ALS2: variants seen among roughly 807,000 people sequenced by gnomAD.
The protein encoded by ALS2 is alsin.
A neutral mutation model predicts 203.4 loss-of-function variants in ALS2; 117 were observed. That is an observed-to-expected ratio of 0.58 (90% CI 0.50 to 0.67). The LOEUF (loss-of-function observed/expected upper bound fraction) is 0.67, where lower values mean the gene tolerates loss of function less well. Among genes scored for constraint, ALS2 ranks in the 30% least tolerant of loss-of-function variants. The pLI, the probability that ALS2 is intolerant of heterozygous loss-of-function variation, is 0.00. For synonymous variants in ALS2, 718 were observed against 725.9 expected (o/e 0.99, Z 0.17); for missense variants, 1,715 against 1,989.4 (o/e 0.86, Z 2.62).
At chr2:201,739,626 C>T (rs1375107527) in intron 11 of ALS2, among the ~76,000 whole-genome samples, 1 of 151,772 alleles carries the variant, frequency 6.6e-6, no homozygotes, top group Non-Finnish European at 1.5e-5. Flanking sequence ...GCCTGTAATC[C>T]CAGCTACTTG....
chr2:201,753,906 T>C (rs1693221620), intron 6 of ALS2, among the ~76,000 whole-genome samples: 2 of 152,176 alleles, frequency 1.3e-5, no homozygotes. Context: ...TGAAATATAA[T>C]CTTATCCCAA....
intron 5 of ALS2, 57 bp from the exon 6 acceptor site, chr2:201,754,728 T>C (rs1209477851): frequency 1.3e-6 from 2 of 1,582,348 alleles, no homozygotes; most frequent in Middle Eastern, 1.7e-4. Flanking sequence ...TAAGAAAACA[T>C]ATCATTTGGA....
Position 201,757,540 on chromosome 2 carries a change from C to A in ALS2, c.1333G>T (p.Gly445Cys). Residue 445 changes from glycine (G) to cysteine (C), a missense_variant, in exon 5 of 34, where the codon GGT (glycine) becomes TGT (cysteine). Coordinates refer to ENST00000264276, the MANE Select transcript of ALS2 (RefSeq NM_020919.4). ...TGTTCTTCCCTGCTATCTTTCAAAC[C>A]TTCGGGGCCAATGGCACTACTGCCT... The part of the protein sequence containing the change: ...QAGSSAIGPE[G>C]LKDSREEQVK... The A allele has an allele frequency of 2.5e-6, 4 of 1,614,122 alleles. No homozygotes were observed. Among genetic ancestry groups the A allele is most frequent in the Non-Finnish European group, 3.4e-6 (4 of 1,180,004 alleles).
intron 27 of ALS2, among the ~76,000 whole-genome samples, 190 bp downstream of exon 27, chr2:201,709,691 A>C (rs1689920445): frequency 6.6e-6 from 1 of 152,232 alleles, no homozygotes; most frequent in Non-Finnish European, 1.5e-5. Flanking sequence ...AAAAATAAAT[A>C]AATAACAATA....
chr2:201,767,428 A>G (rs1400603224), intron 2 of ALS2, 45 bp from the exon 3 acceptor site: 1 of 1,601,518 alleles, frequency 6.2e-7, no homozygotes, highest in African/African-American at 1.3e-5. Context: ...ACAATTCAGA[A>G]CAGTATCCTT....
intron 5 of ALS2, among the ~76,000 whole-genome samples, chr2:201,756,017 A>T (rs938706163): frequency 1.3e-5 from 2 of 152,174 alleles, no homozygotes; most frequent in African/African-American, 4.8e-5. Context: ...AAGATTCCTC[A>T]AGGATGTACT....
intron 27 of ALS2, among the ~76,000 whole-genome samples, chr2:201,708,575 T>C (rs1344899768): frequency 2.6e-5 from 4 of 152,166 alleles, no homozygotes; most frequent in Admixed American, 2.0e-4. Context: ...TTTAGAGTCC[T>C]CAGTGTCTAT....
intron 10 of ALS2, among the ~76,000 whole-genome samples, chr2:201,742,279 G>A (rs1692328926): frequency 6.6e-6 from 1 of 152,184 alleles, no homozygotes; most frequent in African/African-American, 2.4e-5. Context: ...TTATATCTTT[G>A]TAAACATTTT....
At position 201,704,224 on chromosome 2, in the gene ALS2, C is replaced by T. The variant is rs1223420971; in HGVS notation, c.4839-6G>A. On this transcript the variant is annotated splice_region_variant and splice_polypyrimidine_tract_variant and intron_variant, in intron 32 of 33. Coordinates refer to ENST00000264276, the MANE Select transcript of ALS2 (RefSeq NM_020919.4). ...CAGAGCCTAAATTCCTAATCCTGCC[C>T]CAGAGAGAAAAAGATGCTGAGTTAT... The T allele has an allele frequency of 6.2e-7, 1 of 1,611,842 alleles. No individual in the cohort carries two copies. The highest frequency in any genetic ancestry group is 1.3e-5 in the African/African-American group (1 of 74,962).
chr2:201,769,443 G>C (rs866504008), intron 1 of ALS2, among the ~76,000 whole-genome samples: 2 of 152,088 alleles, frequency 1.3e-5, no homozygotes, highest in African/African-American at 4.8e-5. Context: ...CATTAAAATA[G>C]GAAGTTTTCC....
At chr2:201,710,948 A>C (rs373211471) in intron 26 of ALS2, 43 bp downstream of exon 26, 102 of 1,170,894 alleles carry the variant, frequency 8.7e-5, no homozygotes, top group Non-Finnish European at 1.2e-4. Context: ...TGGTAGGTGA[A>C]TCATTAATTC....
At position 201,705,447 on chromosome 2, in the gene ALS2, G is replaced by C. The variant is rs772832055; in HGVS notation, c.4595C>G (p.Ala1532Gly). 6.2e-7 allele frequency: 1 copy of C among 1,613,326 alleles called. No homozygotes were observed. Among genetic ancestry groups the C allele is most frequent in the Non-Finnish European group, 8.5e-7 (1 of 1,179,394 alleles). ...ACTCTCTCCAAGGATTGACAAGGTT[G>C]CTGGCCAAAATTTCCTATAATGGAA... ...FLGVQRKFWP[A>G]TLSILGESKK... Residue 1532 changes from alanine (A) to glycine (G), a missense_variant, in exon 30 of 34, where the codon GCA becomes GGA. By Grantham distance (60) the Ala-to-Gly change is moderately conservative. Transcript: ENST00000264276.
At chr2:201,718,844 T>C (rs1202818983) in intron 23 of ALS2, among the ~76,000 whole-genome samples, 1 of 152,176 alleles carries the variant, frequency 6.6e-6, no homozygotes, top group Non-Finnish European at 1.5e-5. Context: ...TGTTAACACC[T>C]ATCTTTTCAG....
Position 201,741,683 on chromosome 2 carries a change from C to T in ALS2, c.2342G>A (p.Ser781Asn). Residue 781 changes from serine (S) to asparagine (N), a missense_variant, in exon 11 of 34, where the codon AGT becomes AAT. Ser to Asn is a conservative substitution (Grantham distance 46). Transcript: ENST00000264276. ...GGGACTGGATACTTGCTCTGTATAA[C>T]TATCCAAGAAGAGACTTGAATGCTT... ...ILKHSSLFLD[S>N]YTEYCTSITN... 1 of 1,614,000 alleles carries T rather than the reference C, an allele frequency of 6.2e-7. No individual in the cohort carries two copies. Among genetic ancestry groups the T allele is most frequent in the South Asian group, 1.1e-5 (1 of 91,078 alleles).
In ALS2 at chr2:201,762,057, G is replaced by A. The variant is rs114883828; in HGVS notation, c.176-239C>T. 4.3e-3 allele frequency among the ~76,000 whole-genome samples: 648 copies of A among 152,264 alleles called. 7 individuals are homozygous for A. The highest frequency in any genetic ancestry group is 0.015 in the African/African-American group (606 of 41,544). The stretch of plus-strand genomic sequence containing the variant: ...TGAGAATTTCTACAAAGTGCAGGAG[G>A]CTAATCCTTTCCTTCAGCCTCATCC... On this transcript the variant is annotated intron_variant, in intron 3 of 33. Transcript: ENST00000264276.
intron 12 of ALS2, among the ~76,000 whole-genome samples, chr2:201,733,812 G>A (rs1384549268): frequency 6.6e-6 from 1 of 152,174 alleles, no homozygotes; most frequent in Non-Finnish European, 1.5e-5. Flanking sequence ...GTTCTAGGCA[G>A]CTGTGCTAAA....
intron 6 of ALS2, 116 bp downstream of exon 6, chr2:201,754,387 C>G: frequency 1.5e-6 from 2 of 1,292,032 alleles, no homozygotes; most frequent in Non-Finnish European, 2.2e-6. Context: ...GTGTAATAAT[C>G]TGAAGCTAGA....
At chr2:201,749,639 T>C (rs1692900086) in intron 8 of ALS2, 73 bp downstream of exon 8, 1 of 1,339,620 alleles carries the variant, frequency 7.5e-7, no homozygotes, top group Admixed American at 1.7e-5. Flanking sequence ...TATTTTAAAA[T>C]AAGAAATGGA....
intron 32 of ALS2, 87 bp from the exon 33 acceptor site, chr2:201,704,305 C>T: frequency 6.7e-7 from 1 of 1,495,262 alleles, no homozygotes; most frequent in Non-Finnish European, 9.3e-7. Flanking sequence ...AAAGAAAGAA[C>T]AGCTCAATAA....
Sources: allele counts gnomAD v4.1 joint callset (sites outside exome capture counted in the v4.1 genomes callset), GRCh38; gene constraint gnomAD v4.1.1; transcripts MANE v1.5; gene names NCBI Gene and HGNC (gene_info 2026-07-23, HGNC 2026-07-21).